Variants in HS3ST3B1 observed in about 807,000 individuals in gnomAD.
HS3ST3B1 encodes heparan sulfate-glucosamine 3-sulfotransferase 3B1.
A neutral mutation model predicts 21.3 loss-of-function variants in HS3ST3B1; 13 were observed. The ratio of observed to expected loss-of-function variants is 0.61; its 90% CI spans 0.40 to 0.97. HS3ST3B1 has a LOEUF of 0.97. HS3ST3B1 is among the 50% of genes least tolerant of loss of function. The probability of loss-of-function intolerance (pLI) is 0.00; values close to 1 mark genes in which losing one functional copy is unlikely to be tolerated. For synonymous variants in HS3ST3B1, 234 were observed against 254.8 expected, an observed-to-expected ratio of 0.92 and a Z score of 0.78; for missense variants, 459 against 554.8, an observed-to-expected ratio of 0.83 and a Z score of 1.73.
Position 14,306,375 on chromosome 17 carries a change from C to T in HS3ST3B1, c.554+4303C>T, listed in dbSNP as rs939297506. On this transcript the variant is annotated intron_variant, in intron 1 of 1. Coordinates refer to ENST00000360954, the MANE Select transcript of HS3ST3B1 (RefSeq NM_006041.3). ...AGGAGATTTATCCTCTGCCATTTGT[C>T]CTTTTTAAGGCTGGGAGGAGGATGT... 2.6e-5 allele frequency among the ~76,000 whole-genome samples: 4 copies of T among 152,146 alleles called. No homozygotes were observed. In the South Asian group the frequency reaches 8.3e-4, roughly 31 times the overall value.
At chr17:14,341,655 AAGCCC>A (rs1910387210) in intron 1 of HS3ST3B1, among the ~76,000 whole-genome samples, 1 of 152,114 alleles carries the variant, frequency 6.6e-6, no homozygotes, top group African/African-American at 2.4e-5. Context: ...CCTGACTTCC[AAGCCC>A]AGGCTAAGTC....
chr17:14,342,020 T>A (rs1329875370), intron 1 of HS3ST3B1, among the ~76,000 whole-genome samples: 2 of 152,214 alleles, frequency 1.3e-5, no homozygotes, highest in Non-Finnish European at 2.9e-5. Flanking sequence ...TGAGGCAGTC[T>A]TCCTTAAGGG....
In HS3ST3B1 at chr17:14,309,157, C is replaced by T. The variant is rs560065798; in HGVS notation, c.554+7085C>T. Among the ~76,000 whole-genome samples the T allele has an allele frequency of 4.5e-4, 68 of 152,300 alleles. 1 individual carries two copies. The highest frequency in any genetic ancestry group is 1.3e-3 in the African/African-American group (52 of 41,574). On this transcript the variant is annotated intron_variant, in intron 1 of 1. Coordinates refer to ENST00000360954, the MANE Select transcript of HS3ST3B1 (RefSeq NM_006041.3). Reference sequence around the variant, plus strand: ...GGACATCCCGTTCTGGAAGGGTGGCCGGGGGCGCTACCACGGGCGGGGAAA... The same window carrying T: ...GGACATCCCGTTCTGGAAGGGTGGCTGGGGGCGCTACCACGGGCGGGGAAA...
rs76302746 is a variant in HS3ST3B1 at position 14,315,398 on chromosome 17, C to T, written c.554+13326C>T. On this transcript the variant is annotated intron_variant, in intron 1 of 1. Transcript: ENST00000360954. Reference sequence around the variant, plus strand: ...TACTGATCATGGCCTTGGATGCTGTCGCAATGTCAAATTACTTATAATAGT... The same window carrying T: ...TACTGATCATGGCCTTGGATGCTGTTGCAATGTCAAATTACTTATAATAGT... Among the ~76,000 whole-genome samples, 1,266 of 152,302 alleles carry T rather than the reference C, an allele frequency of 8.3e-3. 26 individuals carry two copies. The highest frequency in any genetic ancestry group is 0.028 in the African/African-American group (1,165 of 41,542).
Position 14,345,030 on chromosome 17 carries a change from A to T in HS3ST3B1, c.557A>T (p.Asp186Val), listed in dbSNP as rs1420576295. 6.2e-7 allele frequency: 1 copy of T among 1,603,836 alleles called. No individual in the cohort carries two copies. The highest frequency in any genetic ancestry group is 8.5e-7 in the Non-Finnish European group (1 of 1,173,416). The change falls in exon 2 of 2, where the codon GAC (aspartate) becomes GTC (valine). Residue 186 changes from aspartate (D) to valine (V), a missense_variant and splice_region_variant. Physicochemically the swap from Asp to Val is radical, Grantham distance 152. Transcript: ENST00000360954. ...GTTTGTTTGCTTGCGTTTCTCAGGG[A>T]CCTGATGCCCAGAACCCTGGACGGG... ...SYDKGLAWYR[D>V]LMPRTLDGQI...
chr17:14,320,574 C>G (rs1342800598), intron 1 of HS3ST3B1, among the ~76,000 whole-genome samples: 1 of 151,780 alleles, frequency 6.6e-6, no homozygotes. Context: ...TATGTCAGCT[C>G]AAAAGTGGGA....
At chr17:14,306,460 C>T (rs1909142604) in intron 1 of HS3ST3B1, among the ~76,000 whole-genome samples, 1 of 152,118 alleles carries the variant, frequency 6.6e-6, no homozygotes, top group Admixed American at 6.5e-5. Flanking sequence ...AAAGAGTGCC[C>T]CCAAATCAAG....
intron 1 of HS3ST3B1, among the ~76,000 whole-genome samples, chr17:14,333,021 T>A (rs1910068291): frequency 6.6e-6 from 1 of 151,634 alleles, no homozygotes; most frequent in Non-Finnish European, 1.5e-5. Context: ...AGAAACCAGG[T>A]GATGAGAATA....
chr17:14,340,350 G>A (rs1026466597), intron 1 of HS3ST3B1, among the ~76,000 whole-genome samples: 6 of 151,958 alleles, frequency 3.9e-5, no homozygotes, highest in East Asian at 1.9e-4. Context: ...CTATTAGATC[G>A]GTTTAGCCAG....
intron 1 of HS3ST3B1, among the ~76,000 whole-genome samples, chr17:14,322,629 A>T (rs1909691194): frequency 6.6e-6 from 1 of 152,276 alleles, no homozygotes; most frequent in Admixed American, 6.5e-5. Flanking sequence ...ATGTGTATGT[A>T]TTGCAGGCAG....
At chr17:14,305,587 C>T (rs542335150) in intron 1 of HS3ST3B1, 1 of 152,112 alleles carries the variant, frequency 6.6e-6, no homozygotes, top group African/African-American at 2.4e-5. Context: ...TTAAGTTAGC[C>T]AAATATTGTG....
At position 14,310,754 on chromosome 17, in the gene HS3ST3B1, G is replaced by A. The variant is rs372452906; in HGVS notation, c.554+8682G>A. ...TTGGCTGGATCCAGCCCTTCCTCCT[G>A]ATGTGCTGTCGGGCTTGTCCCTGGT... On this transcript the variant is annotated intron_variant, in intron 1 of 1. Coordinates refer to ENST00000360954, the MANE Select transcript of HS3ST3B1 (RefSeq NM_006041.3). Among the ~76,000 whole-genome samples the A allele has an allele frequency of 5.9e-5, 9 of 152,272 alleles. No homozygotes were observed. In the East Asian group the frequency reaches 1.6e-3, roughly 26 times the overall value.
At chr17:14,321,222 A>C (rs1909648670) in intron 1 of HS3ST3B1, among the ~76,000 whole-genome samples, 1 of 152,188 alleles carries the variant, frequency 6.6e-6, no homozygotes, top group Admixed American at 6.5e-5. Flanking sequence ...TTTAATTTCC[A>C]GCTGAGAGGC....
intron 1 of HS3ST3B1, among the ~76,000 whole-genome samples, chr17:14,344,582 TG>T (rs1394031227): frequency 6.6e-6 from 1 of 152,132 alleles, no homozygotes; most frequent in African/African-American, 2.4e-5. Context: ...CACATCTGCC[TG>T]GGTTTGGTAA....
At chr17:14,327,103 G>C (rs567520092) in intron 1 of HS3ST3B1, among the ~76,000 whole-genome samples, 1 of 151,878 alleles carries the variant, frequency 6.6e-6, no homozygotes, top group Non-Finnish European at 1.5e-5. Context: ...GAATCATCCC[G>C]ATCAACAACA....
intron 1 of HS3ST3B1, among the ~76,000 whole-genome samples, chr17:14,317,605 A>G (rs912574240): frequency 2.0e-5 from 3 of 152,140 alleles, no homozygotes; most frequent in Admixed American, 6.5e-5. Context: ...CAGAATATTC[A>G]GGGCTGGGAA....
intron 1 of HS3ST3B1, among the ~76,000 whole-genome samples, chr17:14,339,266 G>T (rs1910296517): frequency 6.6e-6 from 1 of 152,130 alleles, no homozygotes; most frequent in African/African-American, 2.4e-5. Flanking sequence ...TTAACAATGG[G>T]ATCATGTAAA....
intron 1 of HS3ST3B1, among the ~76,000 whole-genome samples, chr17:14,317,762 G>C (rs1421090710): frequency 6.6e-6 from 1 of 152,150 alleles, no homozygotes; most frequent in African/African-American, 2.4e-5. Flanking sequence ...ACATTAAAGA[G>C]AGGGCTTTTA....
chr17:14,328,836 C>CAAAAT (rs1909893562), intron 1 of HS3ST3B1: 1 of 152,050 alleles, frequency 6.6e-6, no homozygotes, highest in Admixed American at 6.6e-5. Context: ...CCTGTCTCTA[C>CAAAAT]AAAATAAAAT....
Sources: allele counts gnomAD v4.1 joint callset (sites outside exome capture counted in the v4.1 genomes callset), GRCh38; gene constraint gnomAD v4.1.1; transcripts MANE v1.5; gene names NCBI Gene and HGNC (gene_info 2026-07-23, HGNC 2026-07-21).